CFAP65: variants seen among roughly 807,000 people sequenced by gnomAD.
The protein encoded by CFAP65 is cilia and flagella associated protein 65.
Under a neutral mutation model 208.0 loss-of-function variants are expected in CFAP65, and 155 were observed. The ratio of observed to expected loss-of-function variants is 0.75; its 90% CI spans 0.65 to 0.85. The LOEUF is 0.85. Ranked by LOEUF, CFAP65 falls within the 40% of genes least tolerant of loss-of-function variation. CFAP65 has a pLI of 0.00. For missense variants in CFAP65, 2,294 were observed against 2,451.3 expected, an observed-to-expected ratio of 0.94 and a Z score of 1.36; for synonymous variants, 970 against 986.3, an observed-to-expected ratio of 0.98 and a Z score of 0.31.
chr2:219,020,964 A>G (rs1056092623), intron 19 of CFAP65, among the ~76,000 whole-genome samples, 188 bp downstream of exon 19: 1 of 152,220 alleles, frequency 6.6e-6, no homozygotes, highest in African/African-American at 2.4e-5. Context: ...ACATGCACAT[A>G]TGGACACTCA....
chr2:219,014,077 C>G (rs762952624), intron 21 of CFAP65, 33 bp from the exon 22 acceptor site: 19 of 1,567,132 alleles, frequency 1.2e-5, no homozygotes. Context: ...TACAAAGAAA[C>G]TGGTCAGGCA....
Position 219,004,804 on chromosome 2 carries a change from G to A in CFAP65, c.5052-349C>T, listed in dbSNP as rs889856160. Among the ~76,000 whole-genome samples the A allele has an allele frequency of 2.4e-5, 3 of 125,226 alleles. No homozygotes were observed. Among genetic ancestry groups the A allele is most frequent in the Non-Finnish European group, 3.3e-5 (2 of 61,016 alleles). 82.2% of individuals were successfully genotyped at this position (125,226 alleles called of 152,430 possible). A position where few individuals can be genotyped will look rare whatever the true frequency, so the allele number is the denominator to read the frequency against. On this transcript the variant is annotated intron_variant, in intron 32 of 34. Coordinates refer to ENST00000341552, the MANE Select transcript of CFAP65 (RefSeq NM_194302.4). The surrounding 1 kb of genome is among the most constrained non-coding windows in gnomAD (Gnocchi z 4.7). ...AATCCCTCCAGCCAGCTCCATCAGA[G>A]CCCCACTGTCCTGGGGTGGGGGGGC...
intron 14 of CFAP65, among the ~76,000 whole-genome samples, chr2:219,024,487 A>AGGGGG (rs1046581884): frequency 1.6e-3 from 5 of 3,112 alleles, no homozygotes; most frequent in African/African-American, 4.4e-3. Flanking sequence ...GGGGGGGGGC[A>AGGGGG]GGGGGGCGGG....
At position 219,027,946 on chromosome 2, in the gene CFAP65, CGAA is replaced by C. The variant is rs1405907794; in HGVS notation, c.1912_1914del (p.Phe638del). 3.3e-6 allele frequency: 5 copies of C among 1,518,998 alleles called. No homozygotes were observed. The highest frequency in any genetic ancestry group is 1.8e-6 in the Non-Finnish European group (2 of 1,134,150). The allele number at this position is 1,518,998 out of a possible 1,614,324, so 94.1% of individuals were successfully genotyped here. A position where few individuals can be genotyped will look rare whatever the true frequency, so the allele number is the denominator to read the frequency against. Reference sequence around the variant, plus strand: ...AAGATGGTTATGTCGCTGGTGCCGTCGAAGAAGAACTCGGTCATGGGGGGGATA... The same window carrying C: ...AAGATGGTTATGTCGCTGGTGCCGTCGAAGAACTCGGTCATGGGGGGGATA... On this transcript the variant is annotated inframe_deletion, in exon 13 of 35. Transcript: ENST00000341552.
chr2:219,019,320 C>T (rs1473038798), intron 20 of CFAP65, 141 bp from the exon 21 acceptor site: 10 of 1,202,710 alleles, frequency 8.3e-6, no homozygotes, highest in African/African-American at 4.6e-5. Context: ...TGGGCTGGCT[C>T]TTCAGACCTC....
In CFAP65 at chr2:219,009,941, C is replaced by T; in HGVS notation, c.4452+1G>A. The T allele has an allele frequency of 1.2e-6, 2 of 1,606,924 alleles. No individual in the cohort carries two copies. Among genetic ancestry groups the T allele is most frequent in the Non-Finnish European group, 1.7e-6 (2 of 1,177,134 alleles). On this transcript the variant is annotated splice_donor_variant, in intron 27 of 34. Transcript: ENST00000341552. LOFTEE classifies it high-confidence loss of function. ...GGTTCCAGGGCTCAGGGGACTCTCA[C>T]CTCCCCAAAATCTAGAGGACTTGGC...
At chr2:219,019,782 G>A in intron 19 of CFAP65, 63 bp from the exon 20 acceptor site, 2 of 1,423,278 alleles carry the variant, frequency 1.4e-6, no homozygotes, top group South Asian at 1.2e-5. Flanking sequence ...GAGGGGGCAT[G>A]CAGGCCAAAG....
rs368064490 is a variant in CFAP65, at chr2:219,038,356, G to A, written c.357+19C>T. The stretch of plus-strand genomic sequence containing the variant: ...GGCCCTGCCACACCCTGCTCTGCCT[G>A]CCCTGGCTGTATCCTTACCTGGGCG... On this transcript the variant is annotated intron_variant, in intron 4 of 34. Transcript: ENST00000341552. 34 of 1,611,486 alleles carry A rather than the reference G, an allele frequency of 2.1e-5. No homozygotes were observed. The highest frequency in any genetic ancestry group is 1.6e-4 in the African/African-American group (12 of 74,840).
chr2:219,024,804 C>T (rs1231003957), intron 14 of CFAP65, among the ~76,000 whole-genome samples: 1 of 152,122 alleles, frequency 6.6e-6, no homozygotes, highest in Non-Finnish European at 1.5e-5. Flanking sequence ...GTTGTAGTGG[C>T]GTGCATCTGT....
In CFAP65 at chr2:219,006,041, A is replaced by T; in HGVS notation, c.4902T>A (p.Phe1634Leu). 2 of 1,611,434 alleles carry T rather than the reference A, an allele frequency of 1.2e-6. No homozygotes were observed. The highest frequency in any genetic ancestry group is 8.5e-7 in the Non-Finnish European group (1 of 1,179,550). Reference sequence around the variant, plus strand: ...CTTACCGGTGCAAAAAGTGGCAGGGAAACTCTGAGAAGAAGTTAGCCAGAA... The same window carrying T: ...CTTACCGGTGCAAAAAGTGGCAGGGTAACTCTGAGAAGAAGTTAGCCAGAA... ...DYFLANFFSE[F>L]PCHFLHRELP... is the part of the protein sequence containing the mutation. The change falls in exon 31 of 35, where the codon TTT (phenylalanine) becomes TTA (leucine). Residue 1634 changes from phenylalanine (F) to leucine (L), a missense_variant. Physicochemically the swap from Phe to Leu is conservative, Grantham distance 22. This residue lies in a region of CFAP65 where 1,427 missense variants were observed against 1,438.7 expected (regional missense o/e 0.99). Transcript: ENST00000341552.
rs753097365 is a variant in CFAP65 at position 219,021,784 on chromosome 2, G to T, written c.3126C>A (p.Pro1042=). 3.7e-6 allele frequency: 6 copies of T among 1,613,476 alleles called. No homozygotes were observed. Among genetic ancestry groups the T allele is most frequent in the Admixed American group, 3.3e-5 (2 of 60,018 alleles). The stretch of plus-strand genomic sequence containing the variant: ...TCCCAGCTCAGGCCCAAGTACCGAG[G>T]GGGTGGTTGTCAACGGCCTCAGGGC... ...QGSPEAVDNH[P]LALQLDRTEG... is the part of the protein sequence containing the mutation. Residue 1042 remains proline (P), a synonymous_variant, in exon 18 of 35, where the codon CCC becomes CCA. Transcript: ENST00000341552.
chr2:219,009,918 T>A (rs756180582), intron 27 of CFAP65, 24 bp downstream of exon 27: 7 of 1,588,772 alleles, frequency 4.4e-6, no homozygotes, highest in Non-Finnish European at 6.0e-6. Context: ...CTGATGGAGG[T>A]TCCAGGGCTC....
intron 13 of CFAP65, chr2:219,027,364 G>C: frequency 2.7e-6 from 4 of 1,456,650 alleles, no homozygotes; most frequent in Non-Finnish European, 3.6e-6. Context: ...GAGCCCCAGG[G>C]AGTATCTCCC....
chr2:219,038,297 C>G, intron 4 of CFAP65, 78 bp downstream of exon 4: 1 of 1,406,082 alleles, frequency 7.1e-7, no homozygotes, highest in Non-Finnish European at 9.9e-7. Flanking sequence ...CTCAAGATTC[C>G]CACCCCACTG....
intron 31 of CFAP65, 65 bp downstream of exon 31, chr2:219,005,950 AGCCCCT>A: frequency 1.3e-6 from 2 of 1,484,548 alleles, no homozygotes; most frequent in Non-Finnish European, 1.8e-6. Context: ...GGGTCTGGGC[AGCCCCT>A]GCTCTGGAGT....
At chr2:219,009,893 G>T in intron 27 of CFAP65, 49 bp downstream of exon 27, 1 of 1,549,802 alleles carries the variant, frequency 6.5e-7, no homozygotes, top group Non-Finnish European at 8.7e-7. Context: ...GGTGGGGTTG[G>T]ATGGGTCTGG....
intron 21 of CFAP65, among the ~76,000 whole-genome samples, chr2:219,017,145 A>T (rs1946947875): frequency 6.6e-6 from 1 of 152,232 alleles, no homozygotes; most frequent in Non-Finnish European, 1.5e-5. Context: ...TATCCTGAAG[A>T]CCAGCCCAGA....
chr2:219,013,521 G>A lies in CFAP65; in HGVS notation c.3844C>T (p.Leu1282=). The stretch of plus-strand genomic sequence containing the variant: ...GGGCCAGTGTGCTGGGGCCTCACCA[G>A]GATCTCCCGGCCATGGGACACCTTG... ...LFKVSHGREI[L]LNFIGVTVKP... The change falls in exon 23 of 35, where the codon CTG becomes TTG. Residue 1282 remains leucine (L), a splice_region_variant and synonymous_variant. Coordinates refer to ENST00000341552, the MANE Select transcript of CFAP65 (RefSeq NM_194302.4). The A allele has an allele frequency of 6.3e-7, 1 of 1,597,538 alleles. No individual in the cohort carries two copies. Among genetic ancestry groups the A allele is most frequent in the Non-Finnish European group, 8.5e-7 (1 of 1,173,550 alleles).
At chr2:219,039,947 A>G (rs1948572492) in intron 2 of CFAP65, among the ~76,000 whole-genome samples, 1 of 152,250 alleles carries the variant, frequency 6.6e-6, no homozygotes. Flanking sequence ...CTCAAAAATA[A>G]TAATGTCTAT....
Sources: gnomAD v4.1 joint callset for allele counts (sites outside exome capture counted in the v4.1 genomes callset) on GRCh38, gnomAD v4.1.1 for gene constraint, gnomAD v4.1.1 regional missense constraint, Gnocchi (gnomAD v3.1) non-coding constraint, MANE v1.5 for transcripts, NCBI Gene and HGNC (gene_info 2026-07-23, HGNC 2026-07-21) for gene names.